OLA1: variants seen among roughly 807,000 people sequenced by gnomAD.
The protein encoded by OLA1 is Obg like ATPase 1.
In OLA1, 14 loss-of-function variants were observed where a neutral mutation model predicts 48.4. That is an observed-to-expected ratio of 0.29 (90% CI 0.19 to 0.45). The LOEUF (loss-of-function observed/expected upper bound fraction) is 0.45. Among genes scored for constraint, OLA1 ranks in the 20% least tolerant of loss-of-function variants. The probability of loss-of-function intolerance (pLI) is 1.00; values close to 1 mark genes in which losing one functional copy is unlikely to be tolerated. For missense variants in OLA1, 325 were observed against 467.1 expected (o/e 0.70, Z 2.80); for synonymous variants, 127 against 150.4 (o/e 0.84, Z 1.14).
chr2:174,186,648 G>A (rs1687661929), intron 4 of OLA1, among the ~76,000 whole-genome samples: 2 of 151,830 alleles, frequency 1.3e-5, no homozygotes, highest in African/African-American at 4.8e-5. Context: ...CTAAGGCCAA[G>A]ACCTATGTGC....
intron 4 of OLA1, among the ~76,000 whole-genome samples, chr2:174,206,166 A>C (rs1379246737): frequency 1.3e-5 from 2 of 152,240 alleles, no homozygotes; most frequent in Non-Finnish European, 2.9e-5. Context: ...CTTCATTTTC[A>C]AAACCAAATC....
At chr2:174,215,054 A>C (rs1688333287) in intron 4 of OLA1, among the ~76,000 whole-genome samples, 1 of 152,126 alleles carries the variant, frequency 6.6e-6, no homozygotes, top group African/African-American at 2.4e-5. Context: ...TCTCAAAAAA[A>C]AAAAAAAGAA....
chr2:174,146,348 A>G (rs1686598914), intron 4 of OLA1, among the ~76,000 whole-genome samples: 1 of 152,218 alleles, frequency 6.6e-6, no homozygotes, highest in Admixed American at 6.5e-5. Context: ...AACAGATTCC[A>G]AGAGAGGAGG....
chr2:174,128,411 T>A (rs1471476675), intron 5 of OLA1, among the ~76,000 whole-genome samples: 4 of 147,308 alleles, frequency 2.7e-5, no homozygotes. Flanking sequence ...AAAAAAAAAA[T>A]GAAAGAAATA....
At chr2:174,125,787 T>C (rs1037917206) in intron 5 of OLA1, among the ~76,000 whole-genome samples, 2 of 152,178 alleles carry the variant, frequency 1.3e-5, no homozygotes, top group Non-Finnish European at 2.9e-5. Flanking sequence ...ACTCAAAAAA[T>C]TTTTTGCAGT....
At chr2:174,115,522 T>A (rs139899198) in intron 7 of OLA1, among the ~76,000 whole-genome samples, 2 of 152,358 alleles carry the variant, frequency 1.3e-5, no homozygotes, top group African/African-American at 4.8e-5. Flanking sequence ...ATTTAGAACA[T>A]GTTTAAAATG....
chr2:174,192,239 A>G (rs899681163), intron 4 of OLA1, among the ~76,000 whole-genome samples: 2 of 152,212 alleles, frequency 1.3e-5, no homozygotes, highest in Non-Finnish European at 2.9e-5. Flanking sequence ...GCCTGAGACC[A>G]GAAGTGTTTC....
At chr2:174,121,097 T>A (rs1256811853) in intron 7 of OLA1, among the ~76,000 whole-genome samples, 2 of 152,194 alleles carry the variant, frequency 1.3e-5, no homozygotes, top group South Asian at 2.1e-4. Flanking sequence ...ACTATTTACA[T>A]CTGCTTTCAG....
At chr2:174,140,912 T>C (rs1308100813) in intron 5 of OLA1, among the ~76,000 whole-genome samples, 3 of 152,052 alleles carry the variant, frequency 2.0e-5, no homozygotes, top group African/African-American at 4.8e-5. Context: ...AGTTTCATTT[T>C]ATTTTATTTT....
At chr2:174,141,703 A>T (rs1262729495) in intron 5 of OLA1, 122 bp downstream of exon 5, 6 of 818,376 alleles carry the variant, frequency 7.3e-6, no homozygotes, top group Non-Finnish European at 1.1e-5. Flanking sequence ...TTTTTAACAG[A>T]AATAACCCTT....
chr2:174,078,666 C>T lies in OLA1; in HGVS notation c.1089+302G>A, dbSNP rs567888063. ...TGTAATAAGTACAATTTTTCATTGGCCATGAGTGAACAAATTCTTCGAAAT... is the reference window on the plus strand; with the variant it reads ...TGTAATAAGTACAATTTTTCATTGGTCATGAGTGAACAAATTCTTCGAAAT... On this transcript the variant is annotated intron_variant, in intron 10 of 10. Transcript: ENST00000284719. Among the ~76,000 whole-genome samples the T allele has an allele frequency of 7.8e-4, 119 of 151,856 alleles. 4 individuals are homozygous for T. Among genetic ancestry groups the T allele is most frequent in the East Asian group, 5.8e-4 (3 of 5,186 alleles).
chr2:174,090,738 C>G (rs1685095920), intron 7 of OLA1, among the ~76,000 whole-genome samples: 1 of 152,140 alleles, frequency 6.6e-6, no homozygotes, highest in Non-Finnish European at 1.5e-5. Flanking sequence ...ATTAACCAAC[C>G]CAGGAGACAA....
intron 2 of OLA1, among the ~76,000 whole-genome samples, chr2:174,234,398 T>C (rs978499959): frequency 6.6e-6 from 1 of 152,190 alleles, no homozygotes; most frequent in African/African-American, 2.4e-5. Flanking sequence ...CACAAATCTT[T>C]GACTGGGCCA....
chr2:174,182,286 AG>A (rs940994009), intron 4 of OLA1, among the ~76,000 whole-genome samples: 1 of 152,168 alleles, frequency 6.6e-6, no homozygotes, highest in Non-Finnish European at 1.5e-5. Flanking sequence ...GCACTTTGGG[AG>A]GCCGAGGTGG....
chr2:174,183,125 TC>T (rs1687584759), intron 4 of OLA1, among the ~76,000 whole-genome samples: 1 of 152,124 alleles, frequency 6.6e-6, no homozygotes. Flanking sequence ...AAATGGTCAA[TC>T]TTGGCTAATG....
intron 4 of OLA1, among the ~76,000 whole-genome samples, chr2:174,147,943 C>A (rs1411878426): frequency 6.6e-6 from 1 of 152,156 alleles, no homozygotes; most frequent in Non-Finnish European, 1.5e-5. Context: ...AGTGCCTCAG[C>A]CTCCTGAATA....
At chr2:174,148,612 T>G (rs999977877) in intron 4 of OLA1, among the ~76,000 whole-genome samples, 1 of 152,226 alleles carries the variant, frequency 6.6e-6, no homozygotes, top group Non-Finnish European at 1.5e-5. Context: ...AAAGTACTCT[T>G]TTCAAACCTT....
intron 2 of OLA1, among the ~76,000 whole-genome samples, chr2:174,235,991 CCAGAG>C (rs1688840707): frequency 6.6e-6 from 1 of 151,980 alleles, no homozygotes; most frequent in Admixed American, 6.6e-5. Flanking sequence ...TTAAGTAGCA[CCAGAG>C]CACAAAATCA....
chr2:174,208,174 A>G (rs1193859553), intron 4 of OLA1, among the ~76,000 whole-genome samples: 2 of 152,208 alleles, frequency 1.3e-5, no homozygotes. Context: ...ATGATCTGCT[A>G]TAATCACTTG....
Sources: gnomAD v4.1 joint callset for allele counts (sites outside exome capture counted in the v4.1 genomes callset) on GRCh38, gnomAD v4.1.1 for gene constraint, MANE v1.5 for transcripts, NCBI Gene and HGNC (gene_info 2026-07-23, HGNC 2026-07-21) for gene names.